The following FRMPD1 variants were observed in gnomAD, a reference collection of about 807,000 sequenced individuals.
FRMPD1 encodes FERM and PDZ domain containing 1, also known as FERM and PDZ domain-containing protein 1.
A neutral mutation model predicts 117.8 loss-of-function variants in FRMPD1; 76 were observed. The ratio of observed to expected loss-of-function variants is 0.65; its 90% CI spans 0.54 to 0.78. FRMPD1 has a LOEUF of 0.78. Ranked by LOEUF, FRMPD1 falls within the 30% of genes least tolerant of loss-of-function variation. The probability of loss-of-function intolerance (pLI) is 0.00; values close to 1 mark genes in which losing one functional copy is unlikely to be tolerated. For synonymous variants in FRMPD1, 783 were observed against 770.4 expected (o/e 1.02, Z -0.27); for missense variants, 1,786 against 1,964.5 (o/e 0.91, Z 1.72).
the FRMPD1 span, among the ~76,000 whole-genome samples, chr9:37,645,944 CTCT>C: frequency 6.6e-6 from 1 of 152,174 alleles, no homozygotes; most frequent in Non-Finnish European, 1.5e-5. Context: ...GTATCATTGC[CTCT>C]TCTTATAGAG....
Position 37,679,676 on chromosome 9 carries a change from C to G in FRMPD1, c.-4-12962C>G, listed in dbSNP as rs531670076. ...GAAGCACAGTATTTTCAAATTTTAT[C>G]CATATGTAACTCTTACCTTTACAGG... On this transcript the variant is annotated intron_variant, in intron 1 of 15. Coordinates refer to ENST00000377765, the MANE Select transcript of FRMPD1 (RefSeq NM_014907.3). Among the ~76,000 whole-genome samples the G allele has an allele frequency of 6.6e-5, 10 of 152,292 alleles. No homozygotes were observed. In the South Asian group the frequency reaches 2.1e-3, roughly 32 times the overall value.
chr9:37,725,998 G>A (rs773962538), intron 7 of FRMPD1, among the ~76,000 whole-genome samples: 10 of 152,186 alleles, frequency 6.6e-5, no homozygotes, highest in Non-Finnish European at 1.3e-4. Flanking sequence ...TCCCCCTTTG[G>A]TGGCCAAAAG....
At chr9:37,675,237 A>G (rs150404728) in intron 1 of FRMPD1, among the ~76,000 whole-genome samples, 3,731 of 152,160 alleles carry the variant, frequency 0.025, 157 homozygotes, top group African/African-American at 0.085. Context: ...AGCTTGGCCA[A>G]CATGGTGAAA....
chr9:37,737,277 G>A (rs1824181226), intron 14 of FRMPD1, 34 bp downstream of exon 14: 1 of 1,608,608 alleles, frequency 6.2e-7, no homozygotes, highest in African/African-American at 1.3e-5. Context: ...ATAAGGACAG[G>A]CCCCTTTCAC....
intron 2 of FRMPD1, among the ~76,000 whole-genome samples, chr9:37,696,423 G>A (rs913340689): frequency 8.6e-5 from 13 of 152,004 alleles, no homozygotes; most frequent in Admixed American, 3.3e-4. Flanking sequence ...ACAAAGTATC[G>A]TCAGCCTTAA....
chr9:37,698,686 C>T (rs1044120512), intron 2 of FRMPD1, among the ~76,000 whole-genome samples: 2 of 151,256 alleles, frequency 1.3e-5, no homozygotes, highest in East Asian at 1.9e-4. Context: ...CTCAGTCGCC[C>T]GCGTAGCTGG....
intron 1 of FRMPD1, among the ~76,000 whole-genome samples, chr9:37,685,609 G>GCA (rs1821908247): frequency 2.0e-5 from 3 of 151,878 alleles, no homozygotes; most frequent in Non-Finnish European, 1.5e-5. Context: ...CCGAGATCTT[G>GCA]CCACTGCACT....
chr9:37,719,139 A>G lies in FRMPD1; in HGVS notation c.479A>G (p.His160Arg), dbSNP rs749357864. 1.3e-5 allele frequency: 21 copies of G among 1,613,358 alleles called. No individual in the cohort carries two copies. The highest frequency in any genetic ancestry group is 1.6e-5 in the Non-Finnish European group (19 of 1,179,340). ...ARLKTNPVKVHFAEEVLISGH... is the reference protein window; with the variant it reads ...ARLKTNPVKVRFAEEVLISGH... ...CTGAAGACCAACCCCGTGAAGGTGC[A>G]CTTTGCTGAAGAAGTGCTCATCAGT... Residue 160 changes from histidine (H) to arginine (R), a missense_variant, in exon 6 of 16, where the codon CAC becomes CGC. Transcript: ENST00000377765.
the FRMPD1 span, among the ~76,000 whole-genome samples, chr9:37,610,896 T>C: frequency 2.6e-5 from 4 of 152,172 alleles, no homozygotes; most frequent in African/African-American, 9.6e-5. Context: ...GCCACCATCC[T>C]GGCCTCACAT....
At chr9:37,619,230 C>T in the FRMPD1 span, among the ~76,000 whole-genome samples, 1 of 152,186 alleles carries the variant, frequency 6.6e-6, no homozygotes, top group Non-Finnish European at 1.5e-5. Context: ...CCTTTCCTGA[C>T]ATCTCTGTGA....
At position 37,719,053 on chromosome 9, in the gene FRMPD1, T is replaced by C. The variant is rs772704712; in HGVS notation, c.409-16T>C. 13 of 1,469,848 alleles carry C rather than the reference T, an allele frequency of 8.8e-6. No individual in the cohort carries two copies. In the South Asian group the frequency reaches 1.4e-4, roughly 15 times the overall value. 91.1% of individuals were successfully genotyped at this position (1,469,848 alleles called of 1,614,324 possible). On this transcript the variant is annotated splice_polypyrimidine_tract_variant and intron_variant, in intron 5 of 15. Coordinates refer to ENST00000377765, the MANE Select transcript of FRMPD1 (RefSeq NM_014907.3). ...GAAAGCACTGTTCCAAAATGCATCA[T>C]GTTACTGTTTTTCAGGGAGTCCCTA...
intron 5 of FRMPD1, among the ~76,000 whole-genome samples, chr9:37,713,577 G>A (rs2118197340): frequency 6.6e-6 from 1 of 151,908 alleles, no homozygotes; most frequent in South Asian, 2.1e-4. Context: ...GTGACAAGGT[G>A]AGACCGTATA....
chr9:37,661,341 C>T (rs73443167), intron 1 of FRMPD1, among the ~76,000 whole-genome samples: 1 of 152,282 alleles, frequency 6.6e-6, no homozygotes, highest in African/African-American at 2.4e-5. Flanking sequence ...TACTTGCTTT[C>T]TTAATTGATT....
At chr9:37,603,656 T>C in the FRMPD1 span, among the ~76,000 whole-genome samples, 1 of 150,828 alleles carries the variant, frequency 6.6e-6, no homozygotes, top group African/African-American at 2.5e-5. Flanking sequence ...TTTTGTTTTG[T>C]TTTGTTTTGT....
At chr9:37,637,963 GCTTTCTTTCTTTCTTTCTTT>G in the FRMPD1 span, among the ~76,000 whole-genome samples, 353 of 100,122 alleles carry the variant, frequency 3.5e-3, 40 homozygotes, top group African/African-American at 4.8e-3. Context: ...AATGGTGTAT[GCTTTCTTTCTTTCTTTCTTT>G]CTTTCTTTCT....
chr9:37,698,914 T>C lies in FRMPD1; in HGVS notation c.101+6172T>C, dbSNP rs576816544. 2.0e-5 allele frequency among the ~76,000 whole-genome samples: 3 copies of C among 152,166 alleles called. No individual in the cohort carries two copies. The South Asian group carries it at 6.2e-4, about 32-fold the overall frequency. On this transcript the variant is annotated intron_variant, in intron 2 of 15. Coordinates refer to ENST00000377765, the MANE Select transcript of FRMPD1 (RefSeq NM_014907.3). ...CCACCACACCCGGCTAACTTTTGTATTTTTAGTAGAGACAGGGTTTCTCAA... is the reference window on the plus strand; with the variant it reads ...CCACCACACCCGGCTAACTTTTGTACTTTTAGTAGAGACAGGGTTTCTCAA...
chr9:37,691,695 G>A (rs1822143576), intron 1 of FRMPD1, among the ~76,000 whole-genome samples: 1 of 152,180 alleles, frequency 6.6e-6, no homozygotes, highest in South Asian at 2.1e-4. Context: ...CTTGAGGTCA[G>A]GCGTTCAAGA....
chr9:37,730,994 G>A lies in FRMPD1; in HGVS notation c.749G>A (p.Arg250Lys). 6.2e-7 allele frequency: 1 copy of A among 1,613,930 alleles called. No individual in the cohort carries two copies. Among genetic ancestry groups the A allele is most frequent in the Non-Finnish European group, 8.5e-7 (1 of 1,179,870 alleles). Reference sequence around the variant, plus strand: ...CCTTACCCATCGCAGGTGGTAGAAAGGGAGGAGTCACATGACTACCGCTGC... The same window carrying A: ...CCTTACCCATCGCAGGTGGTAGAAAAGGAGGAGTCACATGACTACCGCTGC... ...EEELIQQVVEREESHDYRCLF... is the reference protein window; with the variant it reads ...EEELIQQVVEKEESHDYRCLF... The change falls in exon 9 of 16, where the codon AGG becomes AAG. Residue 250 changes from arginine to lysine, a missense_variant. By Grantham distance (26) the Arg-to-Lys change is conservative. Coordinates refer to ENST00000377765, the MANE Select transcript of FRMPD1 (RefSeq NM_014907.3).
At chr9:37,612,337 GT>G in the FRMPD1 span, among the ~76,000 whole-genome samples, 2 of 151,548 alleles carry the variant, frequency 1.3e-5, no homozygotes, top group Admixed American at 6.6e-5. Context: ...GTTTTTGTTT[GT>G]TTTTGCTTTT....
Sources: gnomAD v4.1 joint callset for allele counts (sites outside exome capture counted in the v4.1 genomes callset) on GRCh38, gnomAD v4.1.1 for gene constraint, MANE v1.5 for transcripts, NCBI Gene and HGNC (gene_info 2026-07-23, HGNC 2026-07-21) for gene names.